BRAF: variants seen among roughly 807,000 people sequenced by gnomAD.
BRAF encodes serine/threonine-protein kinase B-raf.
In BRAF, 16 loss-of-function variants were observed where a neutral mutation model predicts 104.6. That is an observed-to-expected ratio of 0.15 (90% CI 0.10 to 0.23). BRAF has a LOEUF of 0.23. Among genes scored for constraint, BRAF ranks in the 10% least tolerant of loss-of-function variants. The pLI, the probability that BRAF is intolerant of heterozygous loss-of-function variation, is 1.00. For synonymous variants in BRAF, 310 were observed against 341.6 expected (o/e 0.91, Z 1.02); for missense variants, 541 against 937.3 (o/e 0.58, Z 5.52).
chr7:140,748,290 T>C (rs1797514415), intron 17 of BRAF, among the ~76,000 whole-genome samples: 1 of 152,114 alleles, frequency 6.6e-6, no homozygotes, highest in Admixed American at 6.6e-5. Flanking sequence ...ACCATTTCAT[T>C]AGGTTGGGAA....
At chr7:140,737,921 G>A (rs950918909) in intron 18 of BRAF, among the ~76,000 whole-genome samples, 2 of 152,194 alleles carry the variant, frequency 1.3e-5, no homozygotes, top group Non-Finnish European at 2.9e-5. Context: ...GAAGTATGGA[G>A]CTAAGCATTT....
chr7:140,736,978 A>C (rs1260403183), intron 18 of BRAF, among the ~76,000 whole-genome samples: 1 of 151,914 alleles, frequency 6.6e-6, no homozygotes, highest in African/African-American at 2.4e-5. Flanking sequence ...TGAGCCCAGG[A>C]GTTTGAGGCT....
chr7:140,716,879 T>C (rs981433454), downstream of BRAF, among the ~76,000 whole-genome samples: 2 of 152,180 alleles, frequency 1.3e-5, no homozygotes, highest in African/African-American at 4.8e-5. Flanking sequence ...ATAGAAGAGG[T>C]TGACCCTGTC....
chr7:140,833,416 T>G (rs567249754), intron 3 of BRAF, among the ~76,000 whole-genome samples: 31 of 152,336 alleles, frequency 2.0e-4, no homozygotes, highest in African/African-American at 7.0e-4. Flanking sequence ...GGATGGGATG[T>G]TTGCCAGTTT....
At chr7:140,816,826 A>C (rs1200509531) in intron 3 of BRAF, among the ~76,000 whole-genome samples, 1 of 152,128 alleles carries the variant, frequency 6.6e-6, no homozygotes, top group African/African-American at 2.4e-5. Flanking sequence ...CAGACTTTTC[A>C]TCAGACAACA....
chr7:140,883,743 C>A (rs1813204617), intron 1 of BRAF, among the ~76,000 whole-genome samples: 1 of 152,122 alleles, frequency 6.6e-6, no homozygotes, highest in African/African-American at 2.4e-5. Flanking sequence ...GAAACTAACC[C>A]CAGTATGTAT....
At chr7:140,765,403 T>C (rs1285323455) in intron 14 of BRAF, among the ~76,000 whole-genome samples, 10 of 152,106 alleles carry the variant, frequency 6.6e-5, no homozygotes, top group Admixed American at 2.6e-4. Flanking sequence ...GGACTTCATG[T>C]CTAAAACACC....
chr7:140,884,809 C>T (rs1239476976), intron 1 of BRAF, among the ~76,000 whole-genome samples: 1 of 151,778 alleles, frequency 6.6e-6, no homozygotes, highest in Non-Finnish European at 1.5e-5. Context: ...TAGTTTATCG[C>T]TATCAGTATT....
At chr7:140,736,797 G>T (rs1244284711) in intron 18 of BRAF, among the ~76,000 whole-genome samples, 1 of 152,074 alleles carries the variant, frequency 6.6e-6, no homozygotes, top group Non-Finnish European at 1.5e-5. Flanking sequence ...AGCACTTTGG[G>T]AGGCTGAGGC....
At chr7:140,784,515 A>C (rs1801169077) in intron 10 of BRAF, among the ~76,000 whole-genome samples, 1 of 152,240 alleles carries the variant, frequency 6.6e-6, no homozygotes, top group African/African-American at 2.4e-5. Flanking sequence ...TTTTCTGAGA[A>C]ACAGCAGGGC....
intron 17 of BRAF, chr7:140,747,315 C>T: frequency 9.8e-7 from 1 of 1,016,726 alleles, no homozygotes; most frequent in Non-Finnish European, 1.2e-6. Context: ...TAGCAAATTC[C>T]AGAAGGTTCT....
Position 140,749,115 on chromosome 7 carries a change from G to A in BRAF, c.2112+172C>T, listed in dbSNP as rs1293932946. ...TTCATGACTGATATTCTGAGGAAAG[G>A]ACTTAACGTGTTGCTATTACTGCCA... is the stretch of plus-strand genomic sequence containing the variant. On this transcript the variant is annotated intron_variant, in intron 17 of 19. Coordinates refer to ENST00000644969, the MANE Select transcript of BRAF (RefSeq NM_001374258.1). 8 of 702,422 alleles carry A rather than the reference G, an allele frequency of 1.1e-5. No individual in the cohort carries two copies. In the Admixed American group the frequency reaches 2.1e-4, roughly 18 times the overall value. 43.5% of individuals were successfully genotyped at this position (702,422 alleles called of 1,614,324 possible).
At chr7:140,742,302 C>T (rs1016231184) in intron 17 of BRAF, among the ~76,000 whole-genome samples, 16 of 151,920 alleles carry the variant, frequency 1.1e-4, no homozygotes, top group Non-Finnish European at 2.2e-4. Context: ...AGAGATTCTA[C>T]TGCCTCAGCC....
At chr7:140,850,071 T>C (rs1431993244) in intron 2 of BRAF, 40 bp downstream of exon 2, 6 of 1,412,168 alleles carry the variant, frequency 4.2e-6, no homozygotes, top group Admixed American at 3.4e-5. Context: ...TTCATTTTTT[T>C]TCTTTTCAAA....
chr7:140,851,694 T>C (rs892058203), intron 1 of BRAF, among the ~76,000 whole-genome samples: 3 of 152,176 alleles, frequency 2.0e-5, no homozygotes, highest in Admixed American at 2.0e-4. Context: ...CAAGTCCCTA[T>C]CTGCAGGGTA....
chr7:140,738,962 T>C (rs1199102154), intron 18 of BRAF, among the ~76,000 whole-genome samples: 1 of 127,398 alleles, frequency 7.8e-6, no homozygotes, highest in Non-Finnish European at 1.6e-5. Flanking sequence ...ATCCTTCCAA[T>C]ATGGAAAAAA....
Position 140,763,616 on chromosome 7 carries a change from T to A in BRAF, c.1815-9383A>T, listed in dbSNP as rs1269236979. Among the ~76,000 whole-genome samples, 4 of 152,142 alleles carry A rather than the reference T, an allele frequency of 2.6e-5. No homozygotes were observed. In the East Asian group the frequency reaches 7.7e-4, roughly 29 times the overall value. ...CAATAAAAAAATGATAAAGGGGATA[T>A]CACCACCAATCCCACAGAAATACAA... On this transcript the variant is annotated intron_variant, in intron 14 of 19. Transcript: ENST00000644969.
chr7:140,846,556 G>A (rs1808563018), intron 2 of BRAF, among the ~76,000 whole-genome samples: 1 of 152,184 alleles, frequency 6.6e-6, no homozygotes, highest in Admixed American at 6.5e-5. Flanking sequence ...AAAGGCTAGA[G>A]AGTTTCAGTT....
At chr7:140,820,696 A>G (rs1315217236) in intron 3 of BRAF, among the ~76,000 whole-genome samples, 1 of 152,104 alleles carries the variant, frequency 6.6e-6, no homozygotes, top group Non-Finnish European at 1.5e-5. Flanking sequence ...TCCCAGCACT[A>G]TGGGAGGCCA....
Sources: gnomAD v4.1 joint callset for allele counts (sites outside exome capture counted in the v4.1 genomes callset) on GRCh38, gnomAD v4.1.1 for gene constraint, MANE v1.5 for transcripts, NCBI Gene and HGNC (gene_info 2026-07-23, HGNC 2026-07-21) for gene names.